SUCLG2: variants seen among roughly 807,000 people sequenced by gnomAD.
The protein encoded by SUCLG2 is succinate-CoA ligase GDP-forming subunit beta, also known as succinate--CoA ligase [GDP-forming] subunit beta, mitochondrial.
A neutral mutation model predicts 47.9 loss-of-function variants in SUCLG2; 42 were observed. The ratio of observed to expected loss-of-function variants is 0.88; its 90% CI spans 0.69 to 1.14. SUCLG2 has a LOEUF of 1.14. SUCLG2 is among the 50% of genes most tolerant of loss of function. SUCLG2 has a pLI of 0.00. For synonymous variants in SUCLG2, 195 were observed against 197.3 expected (o/e 0.99, Z 0.10); for missense variants, 571 against 525.9 (o/e 1.09, Z -0.84).
chr3:67,639,487 C>T (rs922150289), intron 1 of SUCLG2, among the ~76,000 whole-genome samples: 2 of 136,236 alleles, frequency 1.5e-5, no homozygotes, highest in African/African-American at 3.8e-5. Context: ...CCTCAGATCG[C>T]GCCACCATTT....
intron 9 of SUCLG2, among the ~76,000 whole-genome samples, chr3:67,414,395 T>C (rs1702992027): frequency 6.6e-6 from 1 of 152,348 alleles, no homozygotes; most frequent in East Asian, 1.9e-4. Flanking sequence ...GTACTTCTTA[T>C]GGGAGATTAT....
chr3:67,479,852 AT>A (rs1344956057), intron 9 of SUCLG2, among the ~76,000 whole-genome samples: 1 of 152,218 alleles, frequency 6.6e-6, no homozygotes, highest in African/African-American at 2.4e-5. Context: ...AAAGTCCTCC[AT>A]GAGGGAGTTG....
chr3:67,579,899 A>T, intron 2 of SUCLG2, among the ~76,000 whole-genome samples: 1 of 152,194 alleles, frequency 6.6e-6, no homozygotes, highest in East Asian at 1.9e-4. Context: ...TTATTCTGAG[A>T]TACATAAACA....
At chr3:67,475,381 G>C (rs915330370) in intron 9 of SUCLG2, among the ~76,000 whole-genome samples, 3 of 152,172 alleles carry the variant, frequency 2.0e-5, no homozygotes, top group African/African-American at 7.2e-5. Context: ...CCTAAGAAAA[G>C]CTGTGCTGGT....
intron 2 of SUCLG2, among the ~76,000 whole-genome samples, chr3:67,555,977 T>C (rs969705770): frequency 3.9e-5 from 6 of 152,180 alleles, no homozygotes; most frequent in African/African-American, 1.4e-4. Flanking sequence ...ATATAAACAC[T>C]TGACTATCAT....
At chr3:67,393,338 G>T (rs1371009165) in intron 10 of SUCLG2, among the ~76,000 whole-genome samples, 8 of 150,818 alleles carry the variant, frequency 5.3e-5, no homozygotes, top group Admixed American at 5.3e-4. Flanking sequence ...CTTTTCCGAC[G>T]GGCTTAAAAA....
chr3:67,579,870 C>G (rs550274971), intron 2 of SUCLG2, among the ~76,000 whole-genome samples: 2 of 152,122 alleles, frequency 1.3e-5, no homozygotes, highest in African/African-American at 4.8e-5. Context: ...CATTGAGTTA[C>G]AAGGTAAAAT....
At chr3:67,542,949 C>T (rs1304576707) in intron 2 of SUCLG2, among the ~76,000 whole-genome samples, 1 of 152,194 alleles carries the variant, frequency 6.6e-6, no homozygotes, top group Non-Finnish European at 1.5e-5. Flanking sequence ...GACTTGAACT[C>T]AGCTTTGGAC....
At chr3:67,585,313 G>C (rs1265193436) in intron 2 of SUCLG2, among the ~76,000 whole-genome samples, 1 of 152,078 alleles carries the variant, frequency 6.6e-6, no homozygotes, top group African/African-American at 2.4e-5. Context: ...GGTTAAAGTT[G>C]CTTTGGCTCC....
chr3:67,539,948 C>T (rs1177820591), intron 2 of SUCLG2, among the ~76,000 whole-genome samples: 1 of 151,778 alleles, frequency 6.6e-6, no homozygotes, highest in Non-Finnish European at 1.5e-5. Flanking sequence ...ATTCTTCTCT[C>T]TTTTTTTATT....
At chr3:67,509,503 T>G (rs959209796) in intron 6 of SUCLG2, among the ~76,000 whole-genome samples, 1 of 152,208 alleles carries the variant, frequency 6.6e-6, no homozygotes, top group African/African-American at 2.4e-5. Flanking sequence ...AAGGTTGCCC[T>G]GTTATGCCCT....
At chr3:67,452,138 A>G (rs2106938319) in intron 9 of SUCLG2, among the ~76,000 whole-genome samples, 1 of 152,314 alleles carries the variant, frequency 6.6e-6, no homozygotes, top group East Asian at 1.9e-4. Context: ...ACAAATACAA[A>G]TAAAAAACAA....
rs184314579 is a variant in SUCLG2, at chr3:67,528,203, G to A, written c.346C>T (p.Leu116=). Residue 116 remains leucine, a synonymous_variant, in exon 4 of 11, where the codon CTG becomes TTG. Coordinates refer to ENST00000307227, the MANE Select transcript of SUCLG2 (RefSeq NM_003848.4). The part of the protein sequence containing the change: ...LTKDPNVVGQ[L]AKQMIGYNLA... ...TTGTACCCAATCATCTGTTTAGCCA[G>A]CTGTCCCACAACATTAGGGCTAAGA... 2.8e-4 allele frequency: 445 copies of A among 1,613,782 alleles called. 2 individuals are homozygous for A. The East Asian group carries it at 8.9e-3, about 32-fold the overall frequency.
At chr3:67,577,632 C>CA (rs1707777477) in intron 2 of SUCLG2, among the ~76,000 whole-genome samples, 1 of 152,084 alleles carries the variant, frequency 6.6e-6, no homozygotes, top group South Asian at 2.1e-4. Context: ...TTGCTCAGGG[C>CA]AAAAATCTGG....
chr3:67,544,881 C>T (rs1256991922), intron 2 of SUCLG2, among the ~76,000 whole-genome samples: 1 of 152,164 alleles, frequency 6.6e-6, no homozygotes, highest in African/African-American at 2.4e-5. Flanking sequence ...AAAACTTCTA[C>T]AGATTAAAGT....
intron 1 of SUCLG2, among the ~76,000 whole-genome samples, chr3:67,631,050 G>A (rs1349558539): frequency 6.6e-6 from 1 of 152,216 alleles, no homozygotes; most frequent in Non-Finnish European, 1.5e-5. Context: ...TAAACTTCTT[G>A]AGAGTCCAGA....
exon 11 of SUCLG2, chr3:67,360,461 G>A: frequency 1.6e-6 from 1 of 631,132 alleles, no homozygotes; most frequent in Non-Finnish European, 2.6e-6. Flanking sequence ...TTACCTACCT[G>A]GACACAATTC....
chr3:67,650,753 TC>T (rs1011959861), intron 1 of SUCLG2, among the ~76,000 whole-genome samples: 1 of 151,680 alleles, frequency 6.6e-6, no homozygotes, highest in African/African-American at 2.4e-5. Context: ...AGACTCTCTT[TC>T]AAAAAAAAAG....
intron 10 of SUCLG2, among the ~76,000 whole-genome samples, chr3:67,384,990 C>T (rs1263101064): frequency 6.6e-6 from 1 of 152,238 alleles, no homozygotes. Context: ...GGAAGAGTCT[C>T]AGCGGGACAC....
Sources: allele counts gnomAD v4.1 joint callset (sites outside exome capture counted in the v4.1 genomes callset), GRCh38; gene constraint gnomAD v4.1.1; transcripts MANE v1.5; gene names NCBI Gene and HGNC (gene_info 2026-07-23, HGNC 2026-07-21).